AKAP19: variants seen among roughly 807,000 people sequenced by gnomAD.
The protein encoded by AKAP19 is A-kinase anchoring protein 19.
the AKAP19 span, among the ~76,000 whole-genome samples, chr2:190,134,463 T>C: frequency 6.6e-6 from 1 of 152,134 alleles, no homozygotes; most frequent in Non-Finnish European, 1.5e-5. Flanking sequence ...CCAAAGATGT[T>C]GAATGATTAA....
the AKAP19 span, among the ~76,000 whole-genome samples, chr2:190,046,470 A>G: frequency 1.3e-5 from 2 of 151,834 alleles, no homozygotes; most frequent in African/African-American, 4.8e-5. Context: ...CCCCATTCCC[A>G]CCCCTAGTCT....
chr2:190,199,982 C>T, the AKAP19 span: 1 of 1,614,090 alleles, frequency 6.2e-7, no homozygotes, highest in Non-Finnish European at 8.5e-7. Flanking sequence ...ATGGCTTCTC[C>T]AGTTAATGTC....
chr2:190,058,889 T>C, the AKAP19 span, among the ~76,000 whole-genome samples: 1 of 151,892 alleles, frequency 6.6e-6, no homozygotes, highest in Non-Finnish European at 1.5e-5. Context: ...TATACACTAC[T>C]TGGAGTGATG....
chr2:190,150,866 T>C, the AKAP19 span, among the ~76,000 whole-genome samples: 6 of 152,228 alleles, frequency 3.9e-5, no homozygotes, highest in African/African-American at 9.6e-5. Flanking sequence ...TATAGGAGTT[T>C]TGGATTTTGC....
chr2:189,917,431 T>C, the AKAP19 span: 5 of 778,804 alleles, frequency 6.4e-6, no homozygotes, highest in Admixed American at 4.3e-5. Context: ...ACCATGTCTG[T>C]TTTTTTTCTA....
the AKAP19 span, among the ~76,000 whole-genome samples, chr2:189,906,451 T>C: frequency 1.3e-5 from 2 of 152,206 alleles, no homozygotes; most frequent in East Asian, 3.9e-4. Flanking sequence ...TTATGTTCTT[T>C]CTTCCAGAAA....
At chr2:189,991,538 G>C in the AKAP19 span, among the ~76,000 whole-genome samples, 1 of 151,674 alleles carries the variant, frequency 6.6e-6, no homozygotes, top group African/African-American at 2.4e-5. Context: ...CTTTTTGATG[G>C]GATTATTTGT....
chr2:190,187,887 C>T, the AKAP19 span, among the ~76,000 whole-genome samples: 1 of 152,158 alleles, frequency 6.6e-6, no homozygotes, highest in Non-Finnish European at 1.5e-5. Flanking sequence ...CAGTAAATCA[C>T]ATTTTTTCTT....
At chr2:190,071,256 T>C in the AKAP19 span, among the ~76,000 whole-genome samples, 1 of 152,158 alleles carries the variant, frequency 6.6e-6, no homozygotes, top group Admixed American at 6.6e-5. Flanking sequence ...AAGACCAGTT[T>C]GGGCAGTATA....
chr2:190,195,466 T>A, the AKAP19 span, among the ~76,000 whole-genome samples: 13 of 152,230 alleles, frequency 8.5e-5, no homozygotes, highest in Non-Finnish European at 1.8e-4. Context: ...CTGTTGCTTT[T>A]GCCATTATCT....
At chr2:189,979,632 GAC>G in the AKAP19 span, among the ~76,000 whole-genome samples, 6 of 152,122 alleles carry the variant, frequency 3.9e-5, no homozygotes, top group African/African-American at 1.4e-4. Context: ...AGAGTAAACA[GAC>G]AACCTACAGA....
chr2:189,906,210 G>A, the AKAP19 span, among the ~76,000 whole-genome samples: 1 of 151,996 alleles, frequency 6.6e-6, no homozygotes, highest in African/African-American at 2.4e-5. Context: ...GAGCTGGTTA[G>A]CAACATGTCA....
At chr2:190,107,727 A>G in the AKAP19 span, among the ~76,000 whole-genome samples, 1 of 152,244 alleles carries the variant, frequency 6.6e-6, no homozygotes, top group South Asian at 2.1e-4. Flanking sequence ...TCATCCAGTA[A>G]CATTTATTGG....
the AKAP19 span, among the ~76,000 whole-genome samples, chr2:190,059,094 T>C: frequency 1.3e-5 from 2 of 151,848 alleles, no homozygotes; most frequent in African/African-American, 2.4e-5. Flanking sequence ...AGAGTAGATC[T>C]GATCTGCTAA....
chr2:189,955,287 A>ATTCTGT, the AKAP19 span, among the ~76,000 whole-genome samples: 3 of 151,364 alleles, frequency 2.0e-5, no homozygotes, highest in Non-Finnish European at 4.4e-5. Context: ...CTTGTTTCGT[A>ATTCTGT]TTTTGTTTTT....
chr2:190,038,784 A>T, the AKAP19 span, among the ~76,000 whole-genome samples: 1 of 152,150 alleles, frequency 6.6e-6, no homozygotes, highest in Non-Finnish European at 1.5e-5. Context: ...CTACCAGGAG[A>T]GGAGGGGGAA....
At chr2:189,970,094 T>C in the AKAP19 span, among the ~76,000 whole-genome samples, 3 of 152,054 alleles carry the variant, frequency 2.0e-5, no homozygotes, top group Non-Finnish European at 4.4e-5. Flanking sequence ...CTTGAACTCC[T>C]GGACTCAAGA....
At chr2:189,881,121 T>G in the AKAP19 span, among the ~76,000 whole-genome samples, 1 of 152,136 alleles carries the variant, frequency 6.6e-6, no homozygotes, top group Non-Finnish European at 1.5e-5. Flanking sequence ...AAAACAAATT[T>G]TACTGCAAAG....
chr2:190,046,180 G>A, the AKAP19 span, among the ~76,000 whole-genome samples: 1 of 152,242 alleles, frequency 6.6e-6, no homozygotes, highest in South Asian at 2.1e-4. Context: ...GTATTTACTT[G>A]CTCCTTCTGT....
Sources: gnomAD v4.1 joint callset for allele counts (sites outside exome capture counted in the v4.1 genomes callset) on GRCh38, gnomAD v4.1.1 for gene constraint, MANE v1.5 for transcripts, NCBI Gene and HGNC (gene_info 2026-07-23, HGNC 2026-07-21) for gene names.